The following MAPKBP1 variants were observed in gnomAD, a reference collection of about 807,000 sequenced individuals.
MAPKBP1 encodes mitogen-activated protein kinase binding protein 1.
A neutral mutation model predicts 170.5 loss-of-function variants in MAPKBP1; 71 were observed. The observed-to-expected ratio is 0.42, with a 90% CI of 0.34 to 0.51. The LOEUF is 0.51. MAPKBP1 is among the 20% of genes least tolerant of loss of function. MAPKBP1 has a pLI of 0.06. For synonymous variants in MAPKBP1, 719 were observed against 757.9 expected, an observed-to-expected ratio of 0.95 and a Z score of 0.84; for missense variants, 1,598 against 1,933.0, an observed-to-expected ratio of 0.83 and a Z score of 3.25.
Position 41,817,911 on chromosome 15 carries a change from A to G in MAPKBP1, c.1905-98A>G. ...CTGTTTGCTGCTGGGGGTAGCTCCC[A>G]GAGAGTGTAGACTGGGAGTGAAAGC... On this transcript the variant is annotated intron_variant, in intron 16 of 30. Coordinates refer to ENST00000457542, the MANE Select transcript of MAPKBP1 (RefSeq NM_014994.3). The surrounding 1 kb of genome is among the most constrained non-coding windows in gnomAD (Gnocchi z 4.2). 6.6e-7 allele frequency: 1 copy of G among 1,526,388 alleles called. No homozygotes were observed. The allele number at this position is 1,526,388 out of a possible 1,614,324, so 94.6% of individuals were successfully genotyped here.
intron 3 of MAPKBP1, among the ~76,000 whole-genome samples, chr15:41,803,001 T>C (rs907235239): frequency 1.3e-5 from 2 of 152,194 alleles, no homozygotes; most frequent in African/African-American, 4.8e-5. Context: ...AATGTTATTA[T>C]GTGACGTATG....
At chr15:41,787,947 T>A (rs1049831927) in intron 2 of MAPKBP1, among the ~76,000 whole-genome samples, 7 of 152,168 alleles carry the variant, frequency 4.6e-5, no homozygotes, top group Admixed American at 6.5e-5. Flanking sequence ...TTAAGTTTTT[T>A]ATTTTAATTA....
chr15:41,819,547 C>CGGGGTG, intron 21 of MAPKBP1, 48 bp from the exon 22 acceptor site: 4 of 1,228,204 alleles, frequency 3.3e-6, no homozygotes, highest in South Asian at 2.8e-5. Context: ...GGTTGGGTGG[C>CGGGGTG]GGGGGGGGGG....
At chr15:41,824,093 C>T (rs1246846068) in intron 29 of MAPKBP1, 32 bp downstream of exon 29, 4 of 1,564,090 alleles carry the variant, frequency 2.6e-6, no homozygotes, top group South Asian at 2.3e-5. Flanking sequence ...TCATCTCCTG[C>T]CCCATCCTTA....
In MAPKBP1 at chr15:41,825,572, AG is replaced by A; in HGVS notation, c.*137del. On this transcript the variant is annotated 3_prime_UTR_variant, in exon 31 of 31. Transcript: ENST00000457542. Reference sequence around the variant, plus strand: ...TGTTCAGAGGCAAAGCAGCCTTCCCAGCCGCTCCTCGTGGGGGGCCTGTATT... The same window carrying A: ...TGTTCAGAGGCAAAGCAGCCTTCCCACCGCTCCTCGTGGGGGGCCTGTATT... The A allele has an allele frequency of 1.4e-6, 1 of 694,712 alleles. No homozygotes were observed. Among genetic ancestry groups the A allele is most frequent in the Non-Finnish European group, 2.3e-6 (1 of 431,076 alleles). 43.0% of individuals were successfully genotyped at this position (694,712 alleles called of 1,614,324 possible).
chr15:41,790,559 A>G (rs1486044537), intron 2 of MAPKBP1, among the ~76,000 whole-genome samples: 1 of 152,214 alleles, frequency 6.6e-6, no homozygotes, highest in Non-Finnish European at 1.5e-5. Flanking sequence ...CACCTTCCTT[A>G]GAAACTAAGG....
At chr15:41,798,572 T>G (rs1330246201) in intron 2 of MAPKBP1, among the ~76,000 whole-genome samples, 1 of 152,076 alleles carries the variant, frequency 6.6e-6, no homozygotes, top group East Asian at 1.9e-4. Flanking sequence ...CGTGAGCAAT[T>G]GTACCTGGCC....
chr15:41,822,295 TGAAGAAGAGGAA>T lies in MAPKBP1; in HGVS notation c.3108_3119del (p.Glu1038_Glu1041del). 5 of 1,613,918 alleles carry T rather than the reference TGAAGAAGAGGAA, an allele frequency of 3.1e-6. No homozygotes were observed. Among genetic ancestry groups the T allele is most frequent in the Non-Finnish European group, 4.2e-6 (5 of 1,179,962 alleles). On this transcript the variant is annotated inframe_deletion, in exon 26 of 31. Transcript: ENST00000457542. ...ACCTTGAAGAGCCAGCTGAGGGTGA[TGAAGAAGAGGAA>T]GAAGAGGAGGGAGGCATGGGCCCCT... is the stretch of plus-strand genomic sequence containing the variant.
chr15:41,775,383 C>G lies in MAPKBP1; in HGVS notation c.108C>G (p.Ser36Arg). 6.2e-7 allele frequency: 1 copy of G among 1,612,980 alleles called. No individual in the cohort carries two copies. The highest frequency in any genetic ancestry group is 8.5e-7 in the Non-Finnish European group (1 of 1,178,890). ...CAGGAAACCGACGAGAGGACCTCAG[C>G]TCCAAGGTGAGTCCTGTTGGGATCC... is the stretch of plus-strand genomic sequence containing the variant. The part of the protein sequence containing the change: ...SKAGNRREDL[S>R]SKVTLEKVLG... Residue 36 changes from serine to arginine, a missense_variant, in exon 2 of 31, where the codon AGC (serine) becomes AGG (arginine). By Grantham distance (110) the Ser-to-Arg change is moderately radical. Coordinates refer to ENST00000457542, the MANE Select transcript of MAPKBP1 (RefSeq NM_014994.3).
In MAPKBP1 at chr15:41,825,456, A is replaced by G. The variant is rs2065075232; in HGVS notation, c.*20A>G. On this transcript the variant is annotated 3_prime_UTR_variant, in exon 31 of 31. Transcript: ENST00000457542. ...CTCTGAGTTCTGGAAGCCTGTCCCA[A>G]GTGAATGAATGCTCCAGCGATTCCA... The G allele has an allele frequency of 6.3e-7, 1 of 1,577,072 alleles. No individual in the cohort carries two copies. The highest frequency in any genetic ancestry group is 2.3e-5 in the East Asian group (1 of 43,696).
chr15:41,802,894 G>A (rs2064622651), intron 3 of MAPKBP1, among the ~76,000 whole-genome samples: 1 of 152,138 alleles, frequency 6.6e-6, no homozygotes. Context: ...ACTACATAGG[G>A]TCAGGATCAT....
At chr15:41,779,123 G>T (rs1367236456) in intron 2 of MAPKBP1, among the ~76,000 whole-genome samples, 1 of 152,150 alleles carries the variant, frequency 6.6e-6, no homozygotes, top group African/African-American at 2.4e-5. Context: ...GTTTGGTTGG[G>T]TGGGTTTCAT....
chr15:41,806,793 AT>A (rs2064704064), intron 3 of MAPKBP1, among the ~76,000 whole-genome samples: 1 of 152,144 alleles, frequency 6.6e-6, no homozygotes, highest in South Asian at 2.1e-4. Flanking sequence ...GGAGAGAAAG[AT>A]TGATACAAAC....
At chr15:41,812,447 TTC>T in intron 6 of MAPKBP1, 67 bp from the exon 7 acceptor site, 1 of 1,590,902 alleles carries the variant, frequency 6.3e-7, no homozygotes, top group Non-Finnish European at 8.6e-7. Context: ...TTCTCCTCCA[TTC>T]TCTGAGTCAC....
chr15:41,774,608 C>G lies in MAPKBP1; in HGVS notation c.-112C>G. 2.5e-6 allele frequency: 1 copy of G among 398,690 alleles called. No homozygotes were observed. Among genetic ancestry groups the G allele is most frequent in the Non-Finnish European group, 4.4e-6 (1 of 226,096 alleles). 24.7% of individuals were successfully genotyped at this position (398,690 alleles called of 1,614,324 possible). A position where few individuals can be genotyped will look rare whatever the true frequency, so the allele number is the denominator to read the frequency against. ...GCGGGGTGGCCTTAGCTCGCCGAGG[C>G]TGGTGAGGCTGGGCCCGAACGGGGG... On this transcript the variant is annotated splice_region_variant and 5_prime_UTR_variant, in exon 1 of 31. Coordinates refer to ENST00000457542, the MANE Select transcript of MAPKBP1 (RefSeq NM_014994.3).
chr15:41,775,448 C>A, intron 2 of MAPKBP1, 59 bp downstream of exon 2: 1 of 1,237,730 alleles, frequency 8.1e-7, no homozygotes, highest in Non-Finnish European at 1.2e-6. Context: ...CCATGTTCCT[C>A]GTTAACCTTC....
At chr15:41,811,408 C>G (rs2096496895) in intron 5 of MAPKBP1, 173 bp downstream of exon 5, 1 of 735,308 alleles carries the variant, frequency 1.4e-6, no homozygotes, top group African/African-American at 1.7e-5. Flanking sequence ...ATCAGAATCA[C>G]TTGGAGGGCT....
Position 41,817,389 on chromosome 15 carries a change from C to A in MAPKBP1, c.1713C>A (p.Ala571=). 6.2e-7 allele frequency: 1 copy of A among 1,614,062 alleles called. No homozygotes were observed. The highest frequency in any genetic ancestry group is 8.5e-7 in the Non-Finnish European group (1 of 1,179,982). The change falls in exon 15 of 31, where the codon GCC becomes GCA. Residue 571 remains alanine, a splice_region_variant and synonymous_variant. Transcript: ENST00000457542. This position sits in a 1 kb window ranked among gnomAD's most constrained non-coding sequence, Gnocchi z 4.2. ...CAGCTGGGCTTCCCTCCTTCATAGCCAGTGATGGGCAAGTCCGCATGATCA... is the reference window on the plus strand; with the variant it reads ...CAGCTGGGCTTCCCTCCTTCATAGCAAGTGATGGGCAAGTCCGCATGATCA... The part of the protein sequence containing the change: ...SSSITAVKFA[A]SDGQVRMISC...
At chr15:41,777,021 C>T (rs1241718848) in intron 2 of MAPKBP1, among the ~76,000 whole-genome samples, 1 of 152,196 alleles carries the variant, frequency 6.6e-6, no homozygotes, top group African/African-American at 2.4e-5. Flanking sequence ...ACAGGGGAGG[C>T]GACCTAAGTC....
Sources: allele counts gnomAD v4.1 joint callset (sites outside exome capture counted in the v4.1 genomes callset), GRCh38; gene constraint gnomAD v4.1.1; non-coding constraint Gnocchi (gnomAD v3.1); transcripts MANE v1.5; gene names NCBI Gene and HGNC (gene_info 2026-07-23, HGNC 2026-07-21).